EIF2B4: variants seen among roughly 807,000 people sequenced by gnomAD.
The protein encoded by EIF2B4 is translation initiation factor eIF2B subunit delta.
A neutral mutation model predicts 66.7 loss-of-function variants in EIF2B4; 34 were observed. The ratio of observed to expected loss-of-function variants is 0.51; its 90% CI spans 0.39 to 0.68. The LOEUF (loss-of-function observed/expected upper bound fraction) is 0.68. EIF2B4 is among the 30% of genes least tolerant of loss of function. The pLI is 0.00. For missense variants in EIF2B4, 618 were observed against 657.9 expected (o/e 0.94, Z 0.66); for synonymous variants, 278 against 253.6 (o/e 1.10, Z -0.92).
chr2:27,366,684 T>G, intron 11 of EIF2B4, 75 bp downstream of exon 11: 1 of 1,560,032 alleles, frequency 6.4e-7, no homozygotes, highest in Admixed American at 1.7e-5. Context: ...ACTGTAACTT[T>G]GGGAAGGTGA....
chr2:27,365,341 C>G (rs1039262991), intron 11 of EIF2B4, among the ~76,000 whole-genome samples: 2 of 149,560 alleles, frequency 1.3e-5, no homozygotes, highest in African/African-American at 4.9e-5. Flanking sequence ...GCCAGGATAA[C>G]AGGCGTGAGC....
rs71441071 is a variant in EIF2B4, at chr2:27,367,570, A to G, written c.783-11T>C. 4 of 1,613,722 alleles carry G rather than the reference A, an allele frequency of 2.5e-6. No individual in the cohort carries two copies. In the African/African-American group the frequency reaches 5.3e-5, roughly 22 times the overall value. On this transcript the variant is annotated splice_polypyrimidine_tract_variant and intron_variant, in intron 8 of 12. Coordinates refer to ENST00000347454, the MANE Select transcript of EIF2B4 (RefSeq NM_001034116.2). Reference sequence around the variant, plus strand: ...CACTGAGTCAGGAAGCTATAATACAACAGCAATACCTTATATCTGCGCAAC... The same window carrying G: ...CACTGAGTCAGGAAGCTATAATACAGCAGCAATACCTTATATCTGCGCAAC...
At chr2:27,367,884 G>A (rs1681982584) in intron 7 of EIF2B4, 62 bp from the exon 8 acceptor site, 2 of 1,552,698 alleles carry the variant, frequency 1.3e-6, no homozygotes, top group Non-Finnish European at 8.9e-7. Context: ...AACGGGGGCT[G>A]GGGGTAAGCT....
Position 27,367,793 on chromosome 2 carries a change from A to C in EIF2B4, c.735T>G (p.Asn245Lys), listed in dbSNP as rs1314802247. The C allele has an allele frequency of 1.2e-6, 2 of 1,614,128 alleles. No individual in the cohort carries two copies. Among genetic ancestry groups the C allele is most frequent in the East Asian group, 4.5e-5 (2 of 44,878 alleles). Residue 245 changes from asparagine (N) to lysine (K), a missense_variant, in exon 8 of 13, where the codon AAT (asparagine) becomes AAG (lysine). Physicochemically the swap from Asn to Lys is moderately conservative, Grantham distance 94 (BLOSUM62 0). Around this residue, in one of 4 missense-constraint regions of EIF2B4, gnomAD observed 506 missense variants for 511.9 expected, o/e 0.99. Transcript: ENST00000347454. Reference sequence around the variant, plus strand: ...TCACTAGATCCCTGGAGAGTTCTTCATTAGGCGGTGTTGTGTAATCCTGAA... The same window carrying C: ...TCACTAGATCCCTGGAGAGTTCTTCCTTAGGCGGTGTTGTGTAATCCTGAA... The part of the protein sequence containing the change: ...QVIQDYTTPP[N>K]EELSRDLVNK...
At position 27,369,439 on chromosome 2, in the gene EIF2B4, A is replaced by C. The variant is rs1486945896; in HGVS notation, c.186T>G (p.Ser62=). ...EEKGAEPETG[S]AVSAAQCQVG... The stretch of plus-strand genomic sequence containing the variant: ...CTTGACATTGGGCTGCAGATACAGC[A>C]GAGCCAGTCTCTGGTTCTGCCCCCT... Residue 62 remains serine (S), a synonymous_variant, in exon 3 of 13, where the codon TCT becomes TCG. Coordinates refer to ENST00000347454, the MANE Select transcript of EIF2B4 (RefSeq NM_001034116.2). The C allele has an allele frequency of 1.9e-6, 3 of 1,614,144 alleles. No individual in the cohort carries two copies. The highest frequency in any genetic ancestry group is 1.7e-5 in the Admixed American group (1 of 60,026).
At chr2:27,370,190 A>G in intron 1 of EIF2B4, 94 bp downstream of exon 1, 1 of 1,527,848 alleles carries the variant, frequency 6.5e-7, no homozygotes, top group Non-Finnish European at 8.8e-7. Context: ...GCTGGAACGG[A>G]GCGGCGGGGC....
chr2:27,365,105 G>A, intron 11 of EIF2B4: 1 of 541,526 alleles, frequency 1.8e-6, no homozygotes, highest in Non-Finnish European at 3.3e-6. Context: ...TGCCCAGGCT[G>A]GAGTGCAATG....
In EIF2B4 at chr2:27,366,337, T is replaced by G. The variant is rs185252131; in HGVS notation, c.1191+422A>C. The stretch of plus-strand genomic sequence containing the variant: ...TGATCCTCCTGCCTTAGTGCTGAGA[T>G]TGCAGGCATTGAGCCATGGCACCAA... On this transcript the variant is annotated intron_variant, in intron 11 of 12. Transcript: ENST00000347454. The G allele has an allele frequency of 3.1e-3, 866 of 276,300 alleles. 5 individuals are homozygous for G. The highest frequency in any genetic ancestry group is 0.018 in the African/African-American group (816 of 45,398). The allele number at this position is 276,300 out of a possible 1,614,324, so 17.1% of individuals were successfully genotyped here. A position where few individuals can be genotyped will look rare whatever the true frequency, so the allele number is the denominator to read the frequency against.
chr2:27,364,769 A>G lies in EIF2B4; in HGVS notation c.1321T>C (p.Tyr441His), dbSNP rs372970925. The change falls in exon 12 of 13, where the codon TAC becomes CAC. Residue 441 changes from tyrosine (Y) to histidine (H), a missense_variant. Transcript: ENST00000347454. Reference protein sequence around the residue: ...NVPVLVCCETYKFCERVQTDA... With the variant: ...NVPVLVCCETHKFCERVQTDA... Reference sequence around the variant, plus strand: ...GTCTGCACACGCTCACAGAACTTGTATGTTTCACAGCAAACCAGCACTGGT... The same window carrying G: ...GTCTGCACACGCTCACAGAACTTGTGTGTTTCACAGCAAACCAGCACTGGT... The G allele has an allele frequency of 1.4e-5, 23 of 1,614,066 alleles. 1 individual carries two copies. The South Asian group carries it at 1.6e-4, about 12-fold the overall frequency.
intron 11 of EIF2B4, 148 bp downstream of exon 11, chr2:27,366,611 C>G (rs1572603104): frequency 1.1e-6 from 1 of 927,838 alleles, no homozygotes; most frequent in South Asian, 1.4e-5. Flanking sequence ...CCCAGGAGGT[C>G]AAGACTGCAG....
intron 5 of EIF2B4, 66 bp from the exon 6 acceptor site, chr2:27,368,529 G>A (rs1220276814): frequency 2.6e-6 from 4 of 1,562,872 alleles, no homozygotes; most frequent in African/African-American, 1.4e-5. Context: ...AAGCTGGAAA[G>A]GAAGTGAACA....
At position 27,364,857 on chromosome 2, in the gene EIF2B4, G is replaced by A. The variant is rs1058065; in HGVS notation, c.1233C>T (p.Asn411=). 0.014 allele frequency: 22,832 copies of A among 1,614,102 alleles called. 201 individuals carry two copies. The highest frequency in any genetic ancestry group is 0.017 in the Non-Finnish European group (19,500 of 1,180,020). Reference sequence around the variant, plus strand: ...TCCCTACCCGTGACATCACAGACCCGTTGGCCAAGAGTGCATGAGCTCCCA... The same window carrying A: ...TCCCTACCCGTGACATCACAGACCCATTGGCCAAGAGTGCATGAGCTCCCA... ...VLLGAHALLA[N]GSVMSRVGTA... Residue 411 remains asparagine (N), a synonymous_variant, in exon 12 of 13, where the codon AAC becomes AAT. Transcript: ENST00000347454.
rs770994421 is a variant in EIF2B4, at chr2:27,369,154, T to C, written c.270A>G (p.Lys90=). 5.0e-6 allele frequency: 8 copies of C among 1,613,758 alleles called. No individual in the cohort carries two copies. The highest frequency in any genetic ancestry group is 6.8e-6 in the Non-Finnish European group (8 of 1,179,986). Residue 90 remains lysine (K), a synonymous_variant, in exon 4 of 13, where the codon AAA becomes AAG. Transcript: ENST00000347454. ...CGGCCTTACTCCGACCAGCTGGAAC[T>C]TTCTCCCGAGGAGTGCCCAACTGAA... ...SGIQLGTPRE[K]VPAGRSKAEL...
At chr2:27,369,833 G>A (rs1431995484) in intron 2 of EIF2B4, 43 bp downstream of exon 2, 5 of 1,549,976 alleles carry the variant, frequency 3.2e-6, no homozygotes, top group Non-Finnish European at 3.5e-6. Flanking sequence ...ACAGCCTCCT[G>A]CGTAGCGCTT....
chr2:27,368,288 C>T (rs746252111), intron 6 of EIF2B4, 84 bp downstream of exon 6: 56 of 1,385,622 alleles, frequency 4.0e-5, no homozygotes, highest in Non-Finnish European at 5.3e-5. Flanking sequence ...CTACAGAGTC[C>T]ATCTCAGATT....
chr2:27,368,630 C>T, intron 5 of EIF2B4, 24 bp downstream of exon 5: 1 of 1,614,014 alleles, frequency 6.2e-7, no homozygotes, highest in Non-Finnish European at 8.5e-7. Context: ...CTCTTTCTAG[C>T]CAGGCACCAA....
chr2:27,366,382 A>G, intron 11 of EIF2B4: 1 of 314,554 alleles, frequency 3.2e-6, no homozygotes. Context: ...ATATAATTCT[A>G]ATATTTTTAA....
Position 27,367,063 on chromosome 2 carries a change from C to G in EIF2B4, c.1013+11G>C. 1 of 1,614,130 alleles carries G rather than the reference C, an allele frequency of 6.2e-7. No individual in the cohort carries two copies. The highest frequency in any genetic ancestry group is 8.5e-7 in the Non-Finnish European group (1 of 1,180,048). On this transcript the variant is annotated intron_variant, in intron 10 of 12. Coordinates refer to ENST00000347454, the MANE Select transcript of EIF2B4 (RefSeq NM_001034116.2). ...CTCCCAATCTGCTCAGTCACAAGGT[C>G]TGGACCATACCATCCATATACCAGG...
rs1681908853 is a variant in EIF2B4, at chr2:27,366,947, T to C, written c.1014-11A>G. The C allele has an allele frequency of 1.9e-6, 3 of 1,614,198 alleles. No individual in the cohort carries two copies. The highest frequency in any genetic ancestry group is 1.3e-5 in the African/African-American group (1 of 75,056). On this transcript the variant is annotated splice_polypyrimidine_tract_variant and intron_variant, in intron 10 of 12. Coordinates refer to ENST00000347454, the MANE Select transcript of EIF2B4 (RefSeq NM_001034116.2). ...GATACCAGAGATGAGCTAGAGTGAA[T>C]GAAGAGGAGGATTCAGTTATAAATG...
Sources: gnomAD v4.1 joint callset for allele counts (sites outside exome capture counted in the v4.1 genomes callset) on GRCh38, gnomAD v4.1.1 for gene constraint, gnomAD v4.1.1 regional missense constraint, MANE v1.5 for transcripts, NCBI Gene and HGNC (gene_info 2026-07-23, HGNC 2026-07-21) for gene names.